The following FRY variants were observed in gnomAD, a reference collection of about 807,000 sequenced individuals.
The protein encoded by FRY is FRY microtubule binding protein.
A neutral mutation model predicts 348.4 loss-of-function variants in FRY; 128 were observed. The ratio of observed to expected loss-of-function variants is 0.37; its 90% CI spans 0.32 to 0.43. FRY has a LOEUF of 0.43. Among genes scored for constraint, FRY ranks in the 20% least tolerant of loss-of-function variants. The probability of loss-of-function intolerance (pLI) is 1.00; values close to 1 mark genes in which losing one functional copy is unlikely to be tolerated. For missense variants in FRY, 2,736 were observed against 3,695.2 expected, an observed-to-expected ratio of 0.74 and a Z score of 6.73; for synonymous variants, 1,370 against 1,374.7, an observed-to-expected ratio of 1.00 and a Z score of 0.08.
chr13:32,129,005 C>G (rs1005260177), intron 7 of FRY, among the ~76,000 whole-genome samples: 2 of 152,144 alleles, frequency 1.3e-5, no homozygotes, highest in Non-Finnish European at 2.9e-5. Flanking sequence ...AGGGTTGATT[C>G]CTTCTGAGGC....
intron 2 of FRY, among the ~76,000 whole-genome samples, chr13:32,081,778 T>A (rs1875511683): frequency 6.6e-6 from 1 of 152,224 alleles, no homozygotes; most frequent in Admixed American, 6.5e-5. Context: ...GTCAGCTGAT[T>A]CTAGAAGTGT....
intron 1 of FRY, among the ~76,000 whole-genome samples, chr13:32,048,016 ATACT>A (rs1161047065): frequency 1.3e-5 from 2 of 152,044 alleles, no homozygotes; most frequent in African/African-American, 2.4e-5. Flanking sequence ...CCCTTTCTAC[ATACT>A]TCCATTGTAG....
intron 3 of FRY, among the ~76,000 whole-genome samples, chr13:32,110,440 G>A (rs925248907): frequency 7.2e-5 from 11 of 152,098 alleles, no homozygotes; most frequent in South Asian, 6.2e-4. Context: ...CGTGATGAGC[G>A]TGGGCCTGGG....
At chr13:32,275,222 CAAAAAAA>C (rs770397293) in intron 56 of FRY, 1 of 202,920 alleles carries the variant, frequency 4.9e-6, no homozygotes, top group Non-Finnish European at 9.9e-6. Flanking sequence ...ATTAAAAATA[CAAAAAAA>C]AAAAAAAAAT....
intron 12 of FRY, 52 bp downstream of exon 12, chr13:32,147,437 G>C: frequency 9.9e-7 from 1 of 1,005,360 alleles, no homozygotes; most frequent in South Asian, 1.3e-5. Flanking sequence ...CACTGCAGAG[G>C]GTGTTTCTTT....
intron 2 of FRY, among the ~76,000 whole-genome samples, chr13:32,090,981 T>C (rs1283568390): frequency 6.6e-6 from 1 of 152,222 alleles, no homozygotes; most frequent in Non-Finnish European, 1.5e-5. Context: ...TCAGTTTTCA[T>C]AGCATAGGGT....
In FRY at chr13:32,134,952, G is replaced by A; in HGVS notation, c.934G>A (p.Ala312Thr). 1 of 1,613,456 alleles carries A rather than the reference G, an allele frequency of 6.2e-7. No individual in the cohort carries two copies. The highest frequency in any genetic ancestry group is 8.5e-7 in the Non-Finnish European group (1 of 1,179,374). The change falls in exon 9 of 61, where the codon GCC becomes ACC. Residue 312 changes from alanine (A) to threonine (T), a missense_variant. Coordinates refer to ENST00000542859, the MANE Select transcript of FRY (RefSeq NM_023037.3). ...LEVKDKDIKH[A>T]LAGLFVEILV... ...GGTCAAAGACAAAGATATCAAGCAT[G>A]CCTTGGCTGGGCTTTTTGTTGAAAT...
intron 35 of FRY, among the ~76,000 whole-genome samples, chr13:32,218,436 T>G (rs1418192525): frequency 6.6e-6 from 1 of 152,098 alleles, no homozygotes; most frequent in Non-Finnish European, 1.5e-5. Flanking sequence ...ATCTCAGCAC[T>G]CTGGGAGGCC....
chr13:32,063,895 T>C lies in FRY; in HGVS notation c.71-14939T>C, dbSNP rs536364426. ...GTTCTGATGCGAGTCTTGGGTTGAA[T>C]GTAAGGTTTCTAAGCTGGAGACAAT... On this transcript the variant is annotated intron_variant, in intron 1 of 60. Coordinates refer to ENST00000542859, the MANE Select transcript of FRY (RefSeq NM_023037.3). Among the ~76,000 whole-genome samples the C allele has an allele frequency of 2.6e-4, 40 of 152,360 alleles. No homozygotes were observed. In the South Asian group the frequency reaches 7.4e-3, roughly 28 times the overall value.
At chr13:32,264,542 C>T (rs1205443817) in intron 53 of FRY, among the ~76,000 whole-genome samples, 2 of 152,164 alleles carry the variant, frequency 1.3e-5, no homozygotes, top group Admixed American at 1.3e-4. Context: ...TTCTTCCTCT[C>T]CCTTCTGATC....
intron 38 of FRY, 73 bp from the exon 39 acceptor site, chr13:32,225,716 G>A (rs775805609): frequency 5.3e-6 from 6 of 1,128,950 alleles, no homozygotes; most frequent in African/African-American, 3.1e-5. Flanking sequence ...GAGTATCCTG[G>A]AATCTTTACT....
chr13:32,215,941 A>G (rs1447964331), intron 35 of FRY, among the ~76,000 whole-genome samples: 2 of 152,240 alleles, frequency 1.3e-5, no homozygotes, highest in Non-Finnish European at 2.9e-5. Context: ...GGGATTTTTC[A>G]TAGAAAGCTA....
chr13:32,145,971 G>GAGA, intron 11 of FRY, among the ~76,000 whole-genome samples: 1 of 152,222 alleles, frequency 6.6e-6, no homozygotes, highest in Admixed American at 6.5e-5. Flanking sequence ...TCACCATCAT[G>GAGA]AGAAGCCTAT....
At chr13:32,106,104 T>G (rs1877532524) in intron 3 of FRY, among the ~76,000 whole-genome samples, 1 of 148,108 alleles carries the variant, frequency 6.8e-6, no homozygotes, top group African/African-American at 2.4e-5. Context: ...ACATTAAATA[T>G]AATATATTAA....
intron 1 of FRY, among the ~76,000 whole-genome samples, chr13:32,072,408 C>G (rs1431995177): frequency 6.6e-6 from 1 of 152,038 alleles, no homozygotes; most frequent in East Asian, 1.9e-4. Context: ...GTTAAGCAAT[C>G]TTTTTGTGTT....
In FRY at chr13:32,253,502, C is replaced by T. The variant is rs187348596; in HGVS notation, c.7246-722C>T. 3.7e-3 allele frequency among the ~76,000 whole-genome samples: 563 copies of T among 152,300 alleles called. 1 individual carries two copies. The highest frequency in any genetic ancestry group is 0.027 in the Middle Eastern group (8 of 294). ...GTTCAGTAGAGGCTGGATAGCAAAACATTTACTCTCATTTACAGTTTATTA... is the reference window on the plus strand; with the variant it reads ...GTTCAGTAGAGGCTGGATAGCAAAATATTTACTCTCATTTACAGTTTATTA... On this transcript the variant is annotated intron_variant, in intron 50 of 60. Coordinates refer to ENST00000542859, the MANE Select transcript of FRY (RefSeq NM_023037.3).
intron 58 of FRY, among the ~76,000 whole-genome samples, chr13:32,281,080 TTTC>T (rs755560839): frequency 2.6e-5 from 4 of 152,186 alleles, no homozygotes; most frequent in African/African-American, 4.8e-5. Flanking sequence ...CTCCCTCTCT[TTTC>T]TTATGTTTTT....
chr13:32,059,446 A>G (rs1483722187), intron 1 of FRY, among the ~76,000 whole-genome samples: 1 of 138,890 alleles, frequency 7.2e-6, no homozygotes. Flanking sequence ...ACTGTCTCAG[A>G]AACTTAGGAA....
chr13:32,110,676 C>T (rs1025785029), intron 3 of FRY, among the ~76,000 whole-genome samples: 1 of 152,074 alleles, frequency 6.6e-6, no homozygotes, highest in South Asian at 2.1e-4. Flanking sequence ...TGTTGATTTG[C>T]TCTGCCCTTG....
Sources: allele counts gnomAD v4.1 joint callset (sites outside exome capture counted in the v4.1 genomes callset), GRCh38; gene constraint gnomAD v4.1.1; transcripts MANE v1.5; gene names NCBI Gene and HGNC (gene_info 2026-07-23, HGNC 2026-07-21).